Variants in GPR89B observed in about 807,000 individuals in gnomAD.
The protein encoded by GPR89B is G protein-coupled receptor 89B.
GPR89B carries 25 observed loss-of-function variants against 52.4 expected under a neutral mutation model. That is an observed-to-expected ratio of 0.48 (90% CI 0.35 to 0.67). The LOEUF (loss-of-function observed/expected upper bound fraction) is 0.67, where lower values mean the gene tolerates loss of function less well. Ranked by LOEUF, GPR89B falls within the 30% of genes least tolerant of loss-of-function variation. GPR89B has a pLI of 0.01. For missense variants in GPR89B, 146 were observed against 450.2 expected, an observed-to-expected ratio of 0.32 and a Z score of 6.11; for synonymous variants, 52 against 151.2, an observed-to-expected ratio of 0.34 and a Z score of 4.81.
intron 1 of GPR89B, among the ~76,000 whole-genome samples, chr1:147,934,992 A>G (rs1236411465): frequency 6.6e-6 from 1 of 151,614 alleles, no homozygotes; most frequent in Non-Finnish European, 1.5e-5. Flanking sequence ...TACAAAGATT[A>G]CAAGACAAAC....
chr1:147,934,634 C>T (rs1193932477), intron 1 of GPR89B, among the ~76,000 whole-genome samples: 3 of 152,158 alleles, frequency 2.0e-5, no homozygotes, highest in African/African-American at 4.8e-5. Flanking sequence ...TCCTTCGGCT[C>T]GGGCATTATC....
intron 1 of GPR89B, among the ~76,000 whole-genome samples, chr1:147,930,757 T>G (rs1553246911): frequency 6.6e-6 from 1 of 152,150 alleles, no homozygotes; most frequent in Non-Finnish European, 1.5e-5. Context: ...TCAGGTCCCT[T>G]ATTGATGGGA....
the GPR89B span, among the ~76,000 whole-genome samples, chr1:148,008,507 T>C: frequency 0.07 from 10,655 of 152,114 alleles, 524 homozygotes; most frequent in East Asian, 0.17. Context: ...TCTGCTGCTG[T>C]ATCACTTGCC....
chr1:148,015,874 G>T, the GPR89B span, among the ~76,000 whole-genome samples: 1 of 151,694 alleles, frequency 6.6e-6, no homozygotes, highest in South Asian at 2.1e-4. Context: ...TCTCTCCTCT[G>T]TTGGCTTATT....
chr1:147,981,734 C>T (rs1488553716), intron 10 of GPR89B, among the ~76,000 whole-genome samples: 12 of 151,736 alleles, frequency 7.9e-5, no homozygotes, highest in Non-Finnish European at 1.2e-4. Context: ...CTCACTTCGA[C>T]CTCTGCCTCC....
At chr1:147,978,111 T>C (rs1261112492) in intron 10 of GPR89B, among the ~76,000 whole-genome samples, 2 of 151,284 alleles carry the variant, frequency 1.3e-5, no homozygotes, top group Admixed American at 6.6e-5. Flanking sequence ...GTTGATTCTT[T>C]CTCATCATCC....
chr1:148,003,529 C>G, the GPR89B span, among the ~76,000 whole-genome samples: 1 of 152,218 alleles, frequency 6.6e-6, no homozygotes, highest in South Asian at 2.1e-4. Flanking sequence ...TTTGGATTTC[C>G]CCCTACCCCC....
chr1:147,966,188 T>C (rs1362024908), intron 7 of GPR89B, among the ~76,000 whole-genome samples: 2 of 152,120 alleles, frequency 1.3e-5, no homozygotes, highest in African/African-American at 2.4e-5. Flanking sequence ...ATGGTAACTG[T>C]AGTAATTAAA....
intron 11 of GPR89B, among the ~76,000 whole-genome samples, chr1:147,988,197 AT>A (rs1358860311): frequency 4.6e-5 from 7 of 151,946 alleles, no homozygotes; most frequent in Non-Finnish European, 8.8e-5. Flanking sequence ...TACAAAAAAA[AT>A]ATTTTTTTAA....
At chr1:147,998,062 G>A (rs2149100635), downstream of GPR89B, among the ~76,000 whole-genome samples, 1 of 151,966 alleles carries the variant, frequency 6.6e-6, no homozygotes, top group African/African-American at 2.4e-5. Context: ...ACAGGAAACA[G>A]GATTGATTTT....
the GPR89B span, among the ~76,000 whole-genome samples, chr1:148,014,011 C>A: frequency 6.6e-6 from 1 of 151,308 alleles, no homozygotes; most frequent in African/African-American, 2.4e-5. Context: ...CATCTTGTCT[C>A]CAAAGACTGT....
intron 3 of GPR89B, among the ~76,000 whole-genome samples, chr1:147,941,691 C>T (rs1408949966): frequency 1.3e-5 from 2 of 148,362 alleles, no homozygotes; most frequent in Admixed American, 6.7e-5. Flanking sequence ...ATTATGCTTC[C>T]TTTGAGGAAT....
chr1:147,971,772 A>G (rs1366750363), intron 10 of GPR89B, among the ~76,000 whole-genome samples: 1 of 151,910 alleles, frequency 6.6e-6, no homozygotes, highest in Non-Finnish European at 1.5e-5. Flanking sequence ...GAGCCACTGC[A>G]CCCAGCCAGC....
chr1:147,940,077 T>A (rs1170667352), intron 3 of GPR89B, among the ~76,000 whole-genome samples: 7 of 151,728 alleles, frequency 4.6e-5, no homozygotes, highest in African/African-American at 1.7e-4. Flanking sequence ...AAAATAGAAG[T>A]GTTTTCTGAT....
At chr1:147,971,870 A>G (rs1657498483) in intron 10 of GPR89B, among the ~76,000 whole-genome samples, 1 of 151,524 alleles carries the variant, frequency 6.6e-6, no homozygotes, top group Non-Finnish European at 1.5e-5. Context: ...TTTGACATAC[A>G]TATATACCTA....
intron 4 of GPR89B, 34 bp downstream of exon 4, chr1:147,943,578 T>C: frequency 3.1e-6 from 5 of 1,611,258 alleles, no homozygotes; most frequent in South Asian, 1.1e-5. Context: ...AGCGTATAGA[T>C]TGAGATGAGT....
intron 5 of GPR89B, among the ~76,000 whole-genome samples, chr1:147,952,266 C>A (rs1655778066): frequency 6.6e-6 from 1 of 151,924 alleles, no homozygotes; most frequent in Non-Finnish European, 1.5e-5. Context: ...AAAACATGGG[C>A]ACAGGGAAGG....
At chr1:148,000,775 T>TAAA in the GPR89B span, among the ~76,000 whole-genome samples, 46 of 72,436 alleles carry the variant, frequency 6.4e-4, no homozygotes, top group East Asian at 1.2e-3. Context: ...GTGTTAAAAG[T>TAAA]AAAAAAAAAA....
intron 8 of GPR89B, chr1:147,967,480 G>T (rs2149075073): frequency 6.6e-6 from 1 of 151,960 alleles, no homozygotes; most frequent in South Asian, 2.1e-4. Flanking sequence ...TTAATAAATT[G>T]TTCTTTCCTG....
Sources: gnomAD v4.1 joint callset for allele counts (sites outside exome capture counted in the v4.1 genomes callset) on GRCh38, gnomAD v4.1.1 for gene constraint, MANE v1.5 for transcripts, NCBI Gene and HGNC (gene_info 2026-07-23, HGNC 2026-07-21) for gene names.